Variants in TTLL11 observed in about 807,000 individuals in gnomAD.
The protein encoded by TTLL11 is tubulin polyglutamylase TTLL11.
A neutral mutation model predicts 51.7 loss-of-function variants in TTLL11; 42 were observed. That is an observed-to-expected ratio of 0.81 (90% CI 0.64 to 1.05). TTLL11 has a LOEUF of 1.05. Among genes scored for constraint, TTLL11 ranks in the 50% least tolerant of loss-of-function variants. The pLI is 0.00. For missense variants in TTLL11, 799 were observed against 940.4 expected (o/e 0.85, Z 1.97); for synonymous variants, 381 against 383.5 (o/e 0.99, Z 0.08).
chr9:121,882,336 G>T (rs1219370549), intron 6 of TTLL11, among the ~76,000 whole-genome samples: 2 of 152,160 alleles, frequency 1.3e-5, no homozygotes, highest in Non-Finnish European at 2.9e-5. Context: ...CCATGTGCAT[G>T]GTCCCCTCCT....
At chr9:121,869,396 A>G (rs549198325) in intron 7 of TTLL11, among the ~76,000 whole-genome samples, 181 of 152,358 alleles carry the variant, frequency 1.2e-3, no homozygotes, top group African/African-American at 4.0e-3. Flanking sequence ...CAAAAATATT[A>G]AAATCACTGA....
chr9:122,005,835 ACT>A (rs1195377219), intron 3 of TTLL11, among the ~76,000 whole-genome samples: 1 of 152,168 alleles, frequency 6.6e-6, no homozygotes, highest in East Asian at 1.9e-4. Flanking sequence ...GGTGTTTCTC[ACT>A]GTCACAATGT....
At chr9:121,851,736 G>T (rs1837668029) in intron 8 of TTLL11, among the ~76,000 whole-genome samples, 1 of 152,220 alleles carries the variant, frequency 6.6e-6, no homozygotes, top group African/African-American at 2.4e-5. Context: ...CCTCAGTGCA[G>T]TTGGGAGCAC....
At chr9:122,056,413 G>A (rs983378331) in intron 1 of TTLL11, among the ~76,000 whole-genome samples, 1 of 152,032 alleles carries the variant, frequency 6.6e-6, no homozygotes, top group African/African-American at 2.4e-5. Context: ...CTATGAAATA[G>A]GTAGATATAT....
intron 4 of TTLL11, among the ~76,000 whole-genome samples, chr9:121,978,335 T>C (rs1276913444): frequency 6.6e-6 from 1 of 152,196 alleles, no homozygotes; most frequent in African/African-American, 2.4e-5. Flanking sequence ...ATTTACTTGG[T>C]CCAGTGGTTT....
intron 1 of TTLL11, among the ~76,000 whole-genome samples, chr9:122,069,491 T>C (rs1325309799): frequency 2.0e-5 from 3 of 152,174 alleles, no homozygotes; most frequent in African/African-American, 4.8e-5. Flanking sequence ...GAGACCAGCC[T>C]GGCCAACATG....
chr9:121,916,610 G>T (rs186143174), intron 6 of TTLL11, among the ~76,000 whole-genome samples: 3 of 152,268 alleles, frequency 2.0e-5, no homozygotes, highest in Admixed American at 2.0e-4. Context: ...TTGATTCTGG[G>T]GTTCTGGGAA....
intron 6 of TTLL11, among the ~76,000 whole-genome samples, chr9:121,956,168 T>G: frequency 6.6e-6 from 1 of 152,164 alleles, no homozygotes; most frequent in Non-Finnish European, 1.5e-5. Flanking sequence ...CCACCACTTA[T>G]TCTGCTGCAG....
chr9:121,927,549 C>T (rs577722247), intron 6 of TTLL11, among the ~76,000 whole-genome samples: 1 of 152,180 alleles, frequency 6.6e-6, no homozygotes, highest in African/African-American at 2.4e-5. Context: ...TTTCCTGGCC[C>T]CCAGGGAGGT....
intron 1 of TTLL11, among the ~76,000 whole-genome samples, chr9:122,056,968 C>T (rs906419769): frequency 1.3e-5 from 2 of 152,176 alleles, no homozygotes; most frequent in Non-Finnish European, 2.9e-5. Flanking sequence ...GCAAGAAGGG[C>T]ATGTGTCTGC....
At position 121,974,984 on chromosome 9, in the gene TTLL11, G is replaced by A. The variant is rs1360855232; in HGVS notation, c.1270-5C>T. 9 of 1,532,912 alleles carry A rather than the reference G, an allele frequency of 5.9e-6. No homozygotes were observed. Among genetic ancestry groups the A allele is most frequent in the Admixed American group, 4.4e-5 (2 of 45,682 alleles). 95.0% of individuals were successfully genotyped at this position (1,532,912 alleles called of 1,614,324 possible). A position where few individuals can be genotyped will look rare whatever the true frequency, so the allele number is the denominator to read the frequency against. ...AAGAATGTCAAAGCCTAAAATCTGGGCAGGATAAACACAATTCAGAATTAC... is the reference window on the plus strand; with the variant it reads ...AAGAATGTCAAAGCCTAAAATCTGGACAGGATAAACACAATTCAGAATTAC... On this transcript the variant is annotated splice_region_variant and splice_polypyrimidine_tract_variant and intron_variant, in intron 4 of 8. Coordinates refer to ENST00000321582, the MANE Select transcript of TTLL11 (RefSeq NM_001139442.2).
intron 6 of TTLL11, among the ~76,000 whole-genome samples, chr9:121,972,079 A>G (rs898560558): frequency 1.3e-5 from 2 of 151,910 alleles, no homozygotes; most frequent in Non-Finnish European, 2.9e-5. Context: ...GTGTATACCT[A>G]TGTAACAAAC....
chr9:122,006,064 G>C (rs1256425947), intron 3 of TTLL11, among the ~76,000 whole-genome samples: 1 of 152,144 alleles, frequency 6.6e-6, no homozygotes, highest in East Asian at 1.9e-4. Context: ...TAAGGGCCAG[G>C]CACAGCGGCT....
chr9:121,983,905 G>A (rs1239735206), intron 4 of TTLL11, among the ~76,000 whole-genome samples: 1 of 152,174 alleles, frequency 6.6e-6, no homozygotes, highest in Non-Finnish European at 1.5e-5. Flanking sequence ...ATGTGTTAGA[G>A]TCCAAAGGAA....
intron 6 of TTLL11, among the ~76,000 whole-genome samples, chr9:121,897,635 C>CAT (rs201697906): frequency 0.1 from 15,120 of 147,886 alleles, 979 homozygotes; most frequent in Admixed American, 0.21. Flanking sequence ...CACACACACA[C>CAT]ACACACGCGC....
intron 6 of TTLL11, among the ~76,000 whole-genome samples, chr9:121,891,325 G>C (rs1052911317): frequency 6.6e-6 from 1 of 152,194 alleles, no homozygotes; most frequent in Non-Finnish European, 1.5e-5. Flanking sequence ...CTGCAGGGTT[G>C]CCCGAGGATC....
chr9:122,000,276 C>T (rs1843419958), intron 3 of TTLL11, among the ~76,000 whole-genome samples: 1 of 151,926 alleles, frequency 6.6e-6, no homozygotes, highest in African/African-American at 2.4e-5. Flanking sequence ...TGAAGACCAT[C>T]CTGCCTAACA....
At chr9:121,870,780 C>A (rs530347772) in intron 6 of TTLL11, 32 bp from the exon 7 acceptor site, 19 of 1,490,640 alleles carry the variant, frequency 1.3e-5, no homozygotes, top group Non-Finnish European at 1.6e-5. Context: ...TGATATAACA[C>A]TTTCCCTTTC....
chr9:121,964,714 C>T (rs1842349857), intron 6 of TTLL11, among the ~76,000 whole-genome samples: 1 of 152,118 alleles, frequency 6.6e-6, no homozygotes, highest in South Asian at 2.1e-4. Context: ...CTGAACTCCT[C>T]GAGGCTCCCC....
Sources: allele counts gnomAD v4.1 joint callset (sites outside exome capture counted in the v4.1 genomes callset), GRCh38; gene constraint gnomAD v4.1.1; transcripts MANE v1.5; gene names NCBI Gene and HGNC (gene_info 2026-07-23, HGNC 2026-07-21).